CFAP299: variants seen among roughly 807,000 people sequenced by gnomAD.
CFAP299 encodes the protein cilia and flagella associated protein 299, also known as cilia- and flagella-associated protein 299.
A neutral mutation model predicts 27.0 loss-of-function variants in CFAP299; 21 were observed. That is an observed-to-expected ratio of 0.78 (90% confidence interval 0.55 to 1.12). CFAP299 has a LOEUF of 1.12. CFAP299 is among the 50% of genes most tolerant of loss of function. The pLI is 0.00. For synonymous variants in CFAP299, 104 were observed against 98.1 expected (o/e 1.06, Z -0.36); for missense variants, 310 against 276.6 (o/e 1.12, Z -0.86).
At chr4:80,756,796 C>T (rs1725262118) in intron 3 of CFAP299, among the ~76,000 whole-genome samples, 1 of 151,910 alleles carries the variant, frequency 6.6e-6, no homozygotes. Context: ...AATGTGCTGA[C>T]CTCTGTCATA....
At chr4:80,582,222 G>T (rs972346648) in intron 2 of CFAP299, among the ~76,000 whole-genome samples, 2 of 151,754 alleles carry the variant, frequency 1.3e-5, no homozygotes, top group Non-Finnish European at 3.0e-5. Context: ...ACTTTTCATT[G>T]AATAAGATAC....
chr4:80,506,365 C>A lies in CFAP299; in HGVS notation c.243-76728C>A, dbSNP rs185828532. ...TTATTACTGGAAGCAGTAGGAGTTGCGTGCATGCAAAGATTATAATTAGTT... is the reference window on the plus strand; with the variant it reads ...TTATTACTGGAAGCAGTAGGAGTTGAGTGCATGCAAAGATTATAATTAGTT... On this transcript the variant is annotated intron_variant, in intron 2 of 5. Coordinates refer to ENST00000358105, the MANE Select transcript of CFAP299 (RefSeq NM_152770.3). 1.1e-4 allele frequency among the ~76,000 whole-genome samples: 17 copies of A among 152,132 alleles called. No individual in the cohort carries two copies. The East Asian group carries it at 2.1e-3, about 19-fold the overall frequency.
chr4:80,381,268 A>G (rs1038849537), intron 2 of CFAP299, among the ~76,000 whole-genome samples: 1 of 152,148 alleles, frequency 6.6e-6, no homozygotes, highest in Non-Finnish European at 1.5e-5. Flanking sequence ...TTTTGGCCCT[A>G]TAGATTTTAT....
At chr4:80,386,606 C>T (rs1725020321) in intron 2 of CFAP299, 2 of 1,598,264 alleles carry the variant, frequency 1.3e-6, no homozygotes, top group African/African-American at 1.3e-5. Context: ...GCGGAAAAAG[C>T]CCTTGGCACA....
chr4:80,666,478 C>T (rs535737260), intron 3 of CFAP299, among the ~76,000 whole-genome samples: 43 of 151,438 alleles, frequency 2.8e-4, no homozygotes, highest in African/African-American at 9.8e-4. Flanking sequence ...TGATCCCAGC[C>T]CGTGTATCCC....
chr4:80,562,681 TAATAA>T (rs1735095735), intron 2 of CFAP299, among the ~76,000 whole-genome samples: 1 of 147,646 alleles, frequency 6.8e-6, no homozygotes, highest in Non-Finnish European at 1.5e-5. Flanking sequence ...ATAATAATAA[TAATAA>T]TAATAATAAC....
intron 2 of CFAP299, among the ~76,000 whole-genome samples, chr4:80,519,451 C>T (rs35936345): frequency 0.15 from 23,164 of 152,118 alleles, 2,639 homozygotes; most frequent in African/African-American, 0.32. Context: ...AAGTGATCCA[C>T]CTGCCTCAGC....
chr4:80,510,234 G>A (rs976816141), intron 2 of CFAP299, among the ~76,000 whole-genome samples: 9 of 152,088 alleles, frequency 5.9e-5, no homozygotes, highest in South Asian at 4.1e-4. Context: ...TGCACTACAA[G>A]TTAATTGTCA....
chr4:80,553,952 T>C (rs1734663216), intron 2 of CFAP299, among the ~76,000 whole-genome samples: 2 of 152,210 alleles, frequency 1.3e-5, no homozygotes, highest in Admixed American at 1.3e-4. Flanking sequence ...GTCTGTTTAC[T>C]CTGTTGATAC....
chr4:80,663,042 G>T (rs1377612652), intron 3 of CFAP299, among the ~76,000 whole-genome samples: 2 of 150,302 alleles, frequency 1.3e-5, no homozygotes, highest in East Asian at 1.9e-4. Context: ...ACACATCAAT[G>T]CTTATTCCTT....
At chr4:80,738,401 C>T (rs77178092) in intron 3 of CFAP299, among the ~76,000 whole-genome samples, 12 of 152,000 alleles carry the variant, frequency 7.9e-5, no homozygotes, top group African/African-American at 1.7e-4. Flanking sequence ...CTTTATATAT[C>T]GGCTTGGACC....
At chr4:80,896,481 A>G (rs536213552) in intron 4 of CFAP299, among the ~76,000 whole-genome samples, 7 of 152,136 alleles carry the variant, frequency 4.6e-5, no homozygotes, top group African/African-American at 1.4e-4. Context: ...TACTCTTCAG[A>G]TCAGACACAC....
intron 2 of CFAP299, among the ~76,000 whole-genome samples, chr4:80,452,112 T>C (rs972818352): frequency 1.6e-4 from 24 of 152,188 alleles, no homozygotes; most frequent in African/African-American, 5.3e-4. Flanking sequence ...GTAGTGAATG[T>C]TTTATGGGGC....
At chr4:80,955,043 T>C (rs1221046219) in intron 5 of CFAP299, among the ~76,000 whole-genome samples, 1 of 116,506 alleles carries the variant, frequency 8.6e-6, no homozygotes, top group Non-Finnish European at 1.7e-5. Flanking sequence ...AACGCACACA[T>C]GGCCATATAC....
chr4:80,450,571 GT>G (rs1728850476), intron 2 of CFAP299, among the ~76,000 whole-genome samples: 1 of 151,954 alleles, frequency 6.6e-6, no homozygotes, highest in Non-Finnish European at 1.5e-5. Flanking sequence ...AAATATCTTT[GT>G]GCACTGATGG....
In CFAP299 at chr4:80,606,956, C is replaced by A. The variant is rs186884799; in HGVS notation, c.333+23773C>A. On this transcript the variant is annotated intron_variant, in intron 3 of 5. Transcript: ENST00000358105. ...GGGATAATAACTTTGATATAATCAT[C>A]ATTTGACTTTTCTTGTCTTTGATGC... 3.9e-5 allele frequency among the ~76,000 whole-genome samples: 6 copies of A among 152,178 alleles called. No homozygotes were observed. In the East Asian group the frequency reaches 1.2e-3, roughly 29 times the overall value.
At chr4:80,480,656 T>A (rs1379993631) in intron 2 of CFAP299, among the ~76,000 whole-genome samples, 1 of 152,034 alleles carries the variant, frequency 6.6e-6, no homozygotes, top group Admixed American at 6.6e-5. Flanking sequence ...AGGCCTAGTC[T>A]CCATTTTAAT....
At chr4:80,898,603 C>G (rs1371756526) in intron 4 of CFAP299, among the ~76,000 whole-genome samples, 1 of 151,780 alleles carries the variant, frequency 6.6e-6, no homozygotes, top group Non-Finnish European at 1.5e-5. Context: ...GCTGGGGACC[C>G]ACCCTCTTCT....
the CFAP299 span, among the ~76,000 whole-genome samples, chr4:80,326,760 A>C: frequency 6.6e-6 from 1 of 152,204 alleles, no homozygotes; most frequent in African/African-American, 2.4e-5. Context: ...CTCTGATTTT[A>C]AATTCCTTTG....
Sources: allele counts gnomAD v4.1 joint callset (sites outside exome capture counted in the v4.1 genomes callset), GRCh38; gene constraint gnomAD v4.1.1; transcripts MANE v1.5; gene names NCBI Gene and HGNC (gene_info 2026-07-23, HGNC 2026-07-21).